The following VTI1A variants were observed in gnomAD, a reference collection of about 807,000 sequenced individuals.
VTI1A encodes the protein vesicle transport through interaction with t-SNAREs homolog 1A.
VTI1A carries 22 observed loss-of-function variants against 34.9 expected under a neutral mutation model. The observed-to-expected ratio is 0.63, with a 90% CI of 0.45 to 0.90. The LOEUF is 0.90. Ranked by LOEUF, VTI1A falls within the 40% of genes least tolerant of loss-of-function variation. The probability of loss-of-function intolerance (pLI) is 0.00; values close to 1 mark genes in which losing one functional copy is unlikely to be tolerated. For missense variants in VTI1A, 268 were observed against 275.6 expected (o/e 0.97, Z 0.20); for synonymous variants, 87 against 97.3 (o/e 0.89, Z 0.62).
At chr10:112,812,225 C>G (rs1207812757) in intron 7 of VTI1A, among the ~76,000 whole-genome samples, 1 of 152,200 alleles carries the variant, frequency 6.6e-6, no homozygotes, top group Non-Finnish European at 1.5e-5. Context: ...TATATTCTTT[C>G]TTAAATTATT....
At position 112,618,518 on chromosome 10, in the gene VTI1A, T is replaced by TAGAGAGAGAGAGAG. The variant is rs1229141246; in HGVS notation, c.428-49699_428-49698insGAGAGAGAGAGAGA. The stretch of plus-strand genomic sequence containing the variant: ...ATATATATATATATATATATATATA[T>TAGAGAGAGAGAGAG]ATATATAGAGAGAGAGAGAGAGAGA... On this transcript the variant is annotated intron_variant, in intron 5 of 7. Coordinates refer to ENST00000393077, the MANE Select transcript of VTI1A (RefSeq NM_145206.4). 9.5e-3 allele frequency among the ~76,000 whole-genome samples: 448 copies of TAGAGAGAGAGAGAG among 47,348 alleles called. 8 individuals carry two copies. The highest frequency in any genetic ancestry group is 0.012 in the Admixed American group (29 of 2,366). 31.1% of individuals were successfully genotyped at this position (47,348 alleles called of 152,430 possible).
chr10:112,722,238 A>G (rs1849835594), intron 7 of VTI1A, among the ~76,000 whole-genome samples: 1 of 152,146 alleles, frequency 6.6e-6, no homozygotes, highest in African/African-American at 2.4e-5. Context: ...CTATATTCAG[A>G]TAAGATTTGA....
intron 7 of VTI1A, chr10:112,752,285 C>G (rs1851130242): frequency 8.3e-6 from 7 of 845,876 alleles, no homozygotes; most frequent in Non-Finnish European, 1.0e-5. Context: ...CTGGCTCCAG[C>G]CAGGGTCCCC....
At chr10:112,811,647 GC>G (rs1853307325) in intron 7 of VTI1A, among the ~76,000 whole-genome samples, 1 of 128,220 alleles carries the variant, frequency 7.8e-6, no homozygotes, top group East Asian at 2.4e-4. Context: ...TTGCGCCACT[GC>G]ACTCCAGCCT....
At chr10:112,710,355 G>T (rs1849370519) in intron 7 of VTI1A, among the ~76,000 whole-genome samples, 6 of 151,848 alleles carry the variant, frequency 4.0e-5, no homozygotes. Flanking sequence ...TTACAAGCGT[G>T]CACCACCACG....
At chr10:112,574,119 A>G (rs11195997) in intron 5 of VTI1A, among the ~76,000 whole-genome samples, 8,254 of 152,254 alleles carry the variant, frequency 0.054, 482 homozygotes, top group African/African-American at 0.14. Flanking sequence ...TGCCTTCTAG[A>G]TATTTGGATT....
At chr10:112,494,256 CTTT>C (rs1222168968) in intron 3 of VTI1A, among the ~76,000 whole-genome samples, 1 of 151,862 alleles carries the variant, frequency 6.6e-6, no homozygotes, top group African/African-American at 2.4e-5. Context: ...TGTTTATAAT[CTTT>C]TTTATTTCTG....
intron 5 of VTI1A, among the ~76,000 whole-genome samples, chr10:112,607,698 GGTCTCTCGGACTCA>G (rs1845135662): frequency 6.6e-6 from 1 of 152,128 alleles, no homozygotes; most frequent in African/African-American, 2.4e-5. Flanking sequence ...GTTCTGACTC[GGTCTCTCGGACTCA>G]TGAGGTTATA....
intron 7 of VTI1A, among the ~76,000 whole-genome samples, chr10:112,779,759 AAAATAGGCATCTG>A (rs1852058641): frequency 7.4e-5 from 4 of 54,162 alleles, no homozygotes; most frequent in Non-Finnish European, 1.2e-4. Flanking sequence ...GAATAATCGG[AAAATAGGCATCTG>A]AAGGATTACT....
intron 5 of VTI1A, among the ~76,000 whole-genome samples, chr10:112,601,744 G>A (rs535187829): frequency 1.3e-3 from 195 of 152,288 alleles, no homozygotes; most frequent in Non-Finnish European, 2.1e-3. Context: ...AAGGGGATGG[G>A]GGATGCCATG....
At chr10:112,745,645 C>G (rs892510203) in intron 7 of VTI1A, among the ~76,000 whole-genome samples, 2 of 152,190 alleles carry the variant, frequency 1.3e-5, no homozygotes, top group Non-Finnish European at 2.9e-5. Context: ...TTAGCTGGAT[C>G]CCAAAAGTGC....
intron 7 of VTI1A, among the ~76,000 whole-genome samples, chr10:112,788,867 T>C (rs1230907815): frequency 2.6e-5 from 4 of 152,114 alleles, no homozygotes; most frequent in African/African-American, 9.6e-5. Context: ...TTGTATCTTG[T>C]AACTTTTCAT....
intron 7 of VTI1A, among the ~76,000 whole-genome samples, chr10:112,708,436 A>G (rs1467932195): frequency 6.6e-6 from 1 of 152,336 alleles, no homozygotes; most frequent in African/African-American, 2.4e-5. Flanking sequence ...TTAATACTTC[A>G]GTTTTTTTCA....
rs1384840618 is a variant in VTI1A, at chr10:112,763,437, T to G, written c.561-51853T>G. Reference sequence around the variant, plus strand: ...CTGGGCTACAGAGCGAGACACCATCTCAAAAAAAAAAAAAAAAGGTACCAC... The same window carrying G: ...CTGGGCTACAGAGCGAGACACCATCGCAAAAAAAAAAAAAAAAGGTACCAC... On this transcript the variant is annotated intron_variant, in intron 7 of 7. Coordinates refer to ENST00000393077, the MANE Select transcript of VTI1A (RefSeq NM_145206.4). Among the ~76,000 whole-genome samples the G allele has an allele frequency of 2.7e-5, 3 of 110,354 alleles. No homozygotes were observed. The East Asian group carries it at 7.7e-4, about 28-fold the overall frequency. The allele number at this position is 110,354 out of a possible 152,430, so 72.4% of individuals were successfully genotyped here. A position where few individuals can be genotyped will look rare whatever the true frequency, so the allele number is the denominator to read the frequency against.
intron 3 of VTI1A, among the ~76,000 whole-genome samples, chr10:112,517,712 A>G (rs1205490560): frequency 6.6e-6 from 1 of 152,092 alleles, no homozygotes; most frequent in Non-Finnish European, 1.5e-5. Context: ...TATGACTCCA[A>G]TCTAGTCATG....
At chr10:112,520,781 A>G (rs867432415) in intron 3 of VTI1A, among the ~76,000 whole-genome samples, 3 of 151,888 alleles carry the variant, frequency 2.0e-5, no homozygotes, top group Non-Finnish European at 4.4e-5. Flanking sequence ...TATAGCCAAA[A>G]CATAAATATC....
intron 4 of VTI1A, among the ~76,000 whole-genome samples, chr10:112,531,916 A>G (rs527928993): frequency 6.6e-6 from 1 of 152,322 alleles, no homozygotes; most frequent in Admixed American, 6.5e-5. Context: ...GGGAAGAATT[A>G]TAACTTTTCA....
the VTI1A span, among the ~76,000 whole-genome samples, chr10:112,846,173 T>G: frequency 2.6e-5 from 4 of 152,170 alleles, no homozygotes; most frequent in Admixed American, 6.5e-5. Context: ...CACCATTTAT[T>G]TTGGGGGTCT....
At chr10:112,611,325 T>C (rs1386641526) in intron 5 of VTI1A, among the ~76,000 whole-genome samples, 1 of 152,222 alleles carries the variant, frequency 6.6e-6, no homozygotes, top group Admixed American at 6.5e-5. Context: ...TTGTTTTTCA[T>C]TGTTTTCATC....
Sources: allele counts gnomAD v4.1 joint callset (sites outside exome capture counted in the v4.1 genomes callset), GRCh38; gene constraint gnomAD v4.1.1; transcripts MANE v1.5; gene names NCBI Gene and HGNC (gene_info 2026-07-23, HGNC 2026-07-21).